The following IL1RAPL2 variants were observed in gnomAD, a reference collection of about 807,000 sequenced individuals.
IL1RAPL2 encodes X-linked interleukin-1 receptor accessory protein-like 2.
Under a neutral mutation model 44.1 loss-of-function variants are expected in IL1RAPL2, and 3 were observed. The observed-to-expected ratio is 0.07, with a 90% CI of 0.03 to 0.18. IL1RAPL2 has a LOEUF of 0.18. Ranked by LOEUF, IL1RAPL2 falls within the 10% of genes least tolerant of loss-of-function variation. IL1RAPL2 has a pLI of 1.00. For synonymous variants in IL1RAPL2, 181 were observed against 178.8 expected (o/e 1.01, Z -0.10); for missense variants, 391 against 496.4 (o/e 0.79, Z 2.02).
intron 5 of IL1RAPL2, among the ~76,000 whole-genome samples, chrX:105,373,051 G>A (rs1000265019): frequency 3.6e-5 from 4 of 112,599 alleles, no homozygotes; most frequent in African/African-American, 9.7e-5. Context: ...GGATTGCTGC[G>A]ATGAATGGTA....
At chrX:105,375,079 G>A (rs1425213429) in intron 5 of IL1RAPL2, among the ~76,000 whole-genome samples, 3 of 110,732 alleles carry the variant, frequency 2.7e-5, no homozygotes, top group African/African-American at 9.9e-5. Flanking sequence ...TGCAAACAGG[G>A]AGAGTTCAAC....
At chrX:105,081,059 A>C (rs1020341134) in intron 2 of IL1RAPL2, among the ~76,000 whole-genome samples, 2 of 111,415 alleles carry the variant, frequency 1.8e-5, no homozygotes. Context: ...ATTTTTGCAC[A>C]CTGATTTTGT....
At chrX:104,647,775 C>T in intron 1 of IL1RAPL2, 1 of 537,487 alleles carries the variant, frequency 1.9e-6, no homozygotes, top group Non-Finnish European at 3.4e-6. Context: ...ATGACTGGTA[C>T]ATTAAGTGGT....
At chrX:104,614,335 T>C (rs1377681083) in intron 1 of IL1RAPL2, among the ~76,000 whole-genome samples, 3 of 112,147 alleles carry the variant, frequency 2.7e-5, no homozygotes, top group East Asian at 2.8e-4. Context: ...TATGTAATTA[T>C]GTGGTTTTAT....
chrX:105,752,582 A>G (rs186460961), intron 9 of IL1RAPL2, among the ~76,000 whole-genome samples: 233 of 112,218 alleles, frequency 2.1e-3, no homozygotes, highest in Middle Eastern at 0.018. Flanking sequence ...GCACAAAGGA[A>G]GGCTCATTAG....
chrX:104,910,027 C>G (rs1307460792), intron 2 of IL1RAPL2, among the ~76,000 whole-genome samples: 3 of 112,612 alleles, frequency 2.7e-5, no homozygotes, highest in Non-Finnish European at 5.6e-5. Context: ...TAGGACCCTC[C>G]GAGCCAGGTG....
At chrX:104,720,074 G>T (rs1263612881) in intron 2 of IL1RAPL2, among the ~76,000 whole-genome samples, 1 of 111,664 alleles carries the variant, frequency 9.0e-6, no homozygotes, top group African/African-American at 3.2e-5. Context: ...TACATCAAAA[G>T]ATCTCAATCT....
At chrX:105,607,358 T>A (rs1189846882) in intron 6 of IL1RAPL2, among the ~76,000 whole-genome samples, 1 of 109,591 alleles carries the variant, frequency 9.1e-6, no homozygotes, top group Non-Finnish European at 1.9e-5. Flanking sequence ...TTGTTTTTGC[T>A]TTTTTTCATT....
chrX:104,744,009 C>T (rs1932134257), intron 2 of IL1RAPL2, among the ~76,000 whole-genome samples: 1 of 110,516 alleles, frequency 9.0e-6, no homozygotes, highest in Non-Finnish European at 1.9e-5. Flanking sequence ...AGGGAAAGTG[C>T]GTGGTTCCTG....
chrX:105,191,060 C>T (rs1479529296), intron 2 of IL1RAPL2, among the ~76,000 whole-genome samples: 2 of 112,390 alleles, frequency 1.8e-5, no homozygotes, highest in Admixed American at 1.9e-4. Context: ...TTTAGATGCT[C>T]CTTCTTTGGA....
intron 2 of IL1RAPL2, among the ~76,000 whole-genome samples, chrX:104,785,311 G>A (rs918528357): frequency 1.2e-4 from 13 of 111,927 alleles, no homozygotes; most frequent in African/African-American, 2.3e-4. Flanking sequence ...TTGCCATGCC[G>A]TGCCTGGCCT....
chrX:104,645,508 C>T (rs754140701), intron 1 of IL1RAPL2, among the ~76,000 whole-genome samples: 20 of 111,962 alleles, frequency 1.8e-4, no homozygotes, highest in Non-Finnish European at 3.4e-4. Context: ...CTTTTTAGAA[C>T]GATCTTTCCT....
chrX:104,579,579 G>A (rs887573362), intron 1 of IL1RAPL2, among the ~76,000 whole-genome samples: 3 of 111,340 alleles, frequency 2.7e-5, no homozygotes, highest in East Asian at 2.9e-4. Flanking sequence ...ACAAAGAGGC[G>A]AGCAACACCC....
intron 1 of IL1RAPL2, among the ~76,000 whole-genome samples, chrX:104,569,209 T>C (rs1174300204): frequency 3.6e-5 from 4 of 112,007 alleles, no homozygotes; most frequent in Non-Finnish European, 3.8e-5. Flanking sequence ...GAATAGCCTC[T>C]GCTTCCCTCT....
chrX:104,626,301 TGTGTGTGTGTGC>T (rs1242230993), intron 1 of IL1RAPL2, among the ~76,000 whole-genome samples: 1 of 106,237 alleles, frequency 9.4e-6, no homozygotes, highest in East Asian at 3.0e-4. Flanking sequence ...GTCTCATGCG[TGTGTGTGTGTGC>T]GTGTGTGTGT....
chrX:104,659,100 C>T, intron 2 of IL1RAPL2, 105 bp downstream of exon 2: 1 of 502,218 alleles, frequency 2.0e-6, no homozygotes, highest in Non-Finnish European at 3.5e-6. Flanking sequence ...AATAGAAGCA[C>T]TCGTATTCCA....
chrX:104,912,554 G>C (rs1175462721), intron 2 of IL1RAPL2, among the ~76,000 whole-genome samples: 1 of 111,463 alleles, frequency 9.0e-6, no homozygotes, highest in Non-Finnish European at 1.9e-5. Context: ...ATATTATTTT[G>C]TAGCTTTCCA....
At chrX:105,151,339 A>C (rs1326850992) in intron 2 of IL1RAPL2, among the ~76,000 whole-genome samples, 1 of 111,083 alleles carries the variant, frequency 9.0e-6, no homozygotes, top group Non-Finnish European at 1.9e-5. Context: ...TTTAAGTGGA[A>C]CATTCAAAAC....
intron 5 of IL1RAPL2, among the ~76,000 whole-genome samples, chrX:105,377,548 A>G (rs2035397472): frequency 9.0e-6 from 1 of 111,565 alleles, no homozygotes; most frequent in South Asian, 3.7e-4. Context: ...TTAGAAAAAA[A>G]ATCAGTAATT....
Sources: gnomAD v4.1 joint callset for allele counts (sites outside exome capture counted in the v4.1 genomes callset) on GRCh38, gnomAD v4.1.1 for gene constraint, MANE v1.5 for transcripts, NCBI Gene and HGNC (gene_info 2026-07-23, HGNC 2026-07-21) for gene names.